CFAP221: variants seen among roughly 807,000 people sequenced by gnomAD.
The protein encoded by CFAP221 is cilia- and flagella-associated protein 221.
In CFAP221, 97 loss-of-function variants were observed where a neutral mutation model predicts 113.1. The observed-to-expected ratio is 0.86, with a 90% confidence interval of 0.73 to 1.02. CFAP221 has a LOEUF of 1.02. Ranked by LOEUF, CFAP221 falls within the 50% of genes least tolerant of loss-of-function variation. The pLI is 0.00. For synonymous variants in CFAP221, 331 were observed against 354.4 expected (o/e 0.93, Z 0.74); for missense variants, 1,025 against 1,013.4 (o/e 1.01, Z -0.16).
At chr2:119,618,657 TGGCCATTTG>T (rs1433530999) in intron 14 of CFAP221, among the ~76,000 whole-genome samples, 1 of 152,058 alleles carries the variant, frequency 6.6e-6, no homozygotes, top group Non-Finnish European at 1.5e-5. Context: ...CAAAACTGGG[TGGCCATTTG>T]GGCAGACACC....
At chr2:119,614,067 G>A (rs1275421733) in intron 13 of CFAP221, among the ~76,000 whole-genome samples, 2 of 152,192 alleles carry the variant, frequency 1.3e-5, no homozygotes, top group African/African-American at 4.8e-5. Flanking sequence ...CTCTAGGGCA[G>A]GGGCAAAATG....
chr2:119,598,754 G>C (rs1684167965), intron 7 of CFAP221, among the ~76,000 whole-genome samples: 1 of 152,174 alleles, frequency 6.6e-6, no homozygotes, highest in Admixed American at 6.5e-5. Flanking sequence ...TGGCATCCCT[G>C]TTAATGGAAA....
At chr2:119,585,920 G>C (rs1683190715) in intron 6 of CFAP221, among the ~76,000 whole-genome samples, 1 of 152,188 alleles carries the variant, frequency 6.6e-6, no homozygotes, top group Non-Finnish European at 1.5e-5. Context: ...ACAGACAGAT[G>C]GGTTCGGATG....
intron 14 of CFAP221, among the ~76,000 whole-genome samples, chr2:119,616,888 T>A (rs188856809): frequency 6.6e-6 from 1 of 152,344 alleles, no homozygotes; most frequent in African/African-American, 2.4e-5. Context: ...AAATCTCTCA[T>A]CTCTGTCACT....
At chr2:119,613,011 C>T (rs1361279278) in intron 13 of CFAP221, among the ~76,000 whole-genome samples, 1 of 152,080 alleles carries the variant, frequency 6.6e-6, no homozygotes, top group Non-Finnish European at 1.5e-5. Flanking sequence ...AGAAATTGGC[C>T]AAAACAAAGG....
Position 119,615,724 on chromosome 2 carries a change from C to T in CFAP221, c.1410+15C>T. 3 of 1,578,634 alleles carry T rather than the reference C, an allele frequency of 1.9e-6. No homozygotes were observed. Among genetic ancestry groups the T allele is most frequent in the Non-Finnish European group, 2.6e-6 (3 of 1,153,336 alleles). ...TAGCACGCAAGGTAAGTCTCAGCAC[C>T]AGCTGGAAATGTTGATTTGTTTACT... On this transcript the variant is annotated intron_variant, in intron 14 of 23. Transcript: ENST00000413369.
chr2:119,563,172 A>G (rs1382438192), intron 6 of CFAP221, among the ~76,000 whole-genome samples: 1 of 152,148 alleles, frequency 6.6e-6, no homozygotes, highest in Admixed American at 6.5e-5. Context: ...AAAAAATAAA[A>G]TGGCATAGTA....
chr2:119,566,133 A>G (rs1681606720), intron 6 of CFAP221, among the ~76,000 whole-genome samples: 1 of 152,158 alleles, frequency 6.6e-6, no homozygotes, highest in Admixed American at 6.5e-5. Context: ...CTCAGGCACC[A>G]CTTCCAGGAG....
chr2:119,553,843 C>T (rs1680593720), intron 3 of CFAP221, among the ~76,000 whole-genome samples: 1 of 152,106 alleles, frequency 6.6e-6, no homozygotes, highest in Non-Finnish European at 1.5e-5. Context: ...TTGTGCAGTG[C>T]CTGACATGCA....
chr2:119,586,932 C>T (rs1041310292), intron 6 of CFAP221, 187 bp from the exon 7 acceptor site: 3 of 448,046 alleles, frequency 6.7e-6, no homozygotes, highest in Non-Finnish European at 7.8e-6. Context: ...ACGGCACCAC[C>T]TCATAGGATT....
downstream of CFAP221, among the ~76,000 whole-genome samples, chr2:119,657,599 A>G (rs1181965441): frequency 1.3e-5 from 2 of 152,218 alleles, no homozygotes; most frequent in African/African-American, 4.8e-5. Context: ...TCTAACATTA[A>G]CATCTCCTGC....
chr2:119,647,518 G>A (rs1311964827), intron 22 of CFAP221, among the ~76,000 whole-genome samples: 2 of 152,152 alleles, frequency 1.3e-5, no homozygotes, highest in Non-Finnish European at 2.9e-5. Flanking sequence ...CAGCAGCAGA[G>A]CTGAGAATGG....
At chr2:119,608,201 C>T (rs1684905019) in intron 11 of CFAP221, among the ~76,000 whole-genome samples, 1 of 152,114 alleles carries the variant, frequency 6.6e-6, no homozygotes, top group African/African-American at 2.4e-5. Context: ...TCATAGCCAT[C>T]CCAGTGGGTG....
intron 13 of CFAP221, among the ~76,000 whole-genome samples, chr2:119,613,489 A>C (rs1608045): frequency 0.99 from 151,155 of 152,390 alleles, 74,978 homozygotes; most frequent in Non-Finnish European, 1. Flanking sequence ...TCCCAAACCT[A>C]ATTTCTGGAC....
At chr2:119,547,083 C>T (rs1311839026) in intron 2 of CFAP221, among the ~76,000 whole-genome samples, 3 of 152,176 alleles carry the variant, frequency 2.0e-5, no homozygotes, top group Non-Finnish European at 4.4e-5. Context: ...TTACCCACCA[C>T]TCATCTTTTA....
intron 6 of CFAP221, chr2:119,572,767 A>G (rs1682159008): frequency 3.7e-6 from 2 of 546,156 alleles, no homozygotes; most frequent in Non-Finnish European, 6.6e-6. Flanking sequence ...TGGTAAAATG[A>G]TGCCATGGGC....
chr2:119,558,593 A>G (rs1361127157), intron 3 of CFAP221, among the ~76,000 whole-genome samples: 1 of 152,140 alleles, frequency 6.6e-6, no homozygotes. Context: ...CAACGTGAGA[A>G]GACCCTTTGA....
At chr2:119,650,723 C>G (rs926543610) in intron 22 of CFAP221, among the ~76,000 whole-genome samples, 1 of 152,190 alleles carries the variant, frequency 6.6e-6, no homozygotes, top group Non-Finnish European at 1.5e-5. Context: ...AAAGAAACTG[C>G]TAATGGGAAG....
chr2:119,615,468 G>A (rs1685458352), intron 13 of CFAP221, 143 bp from the exon 14 acceptor site: 2 of 652,476 alleles, frequency 3.1e-6, no homozygotes, highest in African/African-American at 3.7e-5. Flanking sequence ...CACTAAAAGT[G>A]CTTAATAAAT....
Sources: gnomAD v4.1 joint callset for allele counts (sites outside exome capture counted in the v4.1 genomes callset) on GRCh38, gnomAD v4.1.1 for gene constraint, MANE v1.5 for transcripts, NCBI Gene and HGNC (gene_info 2026-07-23, HGNC 2026-07-21) for gene names.